Variants in TRERF1 observed in about 807,000 individuals in gnomAD.
TRERF1 encodes transcriptional regulating factor 1.
TRERF1 carries 27 observed loss-of-function variants against 122.9 expected under a neutral mutation model. The ratio of observed to expected loss-of-function variants is 0.22; its 90% CI spans 0.16 to 0.30. TRERF1 has a LOEUF of 0.30. Ranked by LOEUF, TRERF1 falls within the 10% of genes least tolerant of loss-of-function variation. The pLI is 1.00. For missense variants in TRERF1, 1,248 were observed against 1,560.3 expected (o/e 0.80, Z 3.37); for synonymous variants, 636 against 641.7 (o/e 0.99, Z 0.13).
chr6:42,367,155 T>C (rs986410842), intron 2 of TRERF1, among the ~76,000 whole-genome samples: 2 of 152,102 alleles, frequency 1.3e-5, no homozygotes. Flanking sequence ...TATAGAAGTA[T>C]AATATCTAGC....
At chr6:42,241,172 C>T (rs1011783814) in intron 15 of TRERF1, among the ~76,000 whole-genome samples, 1 of 152,160 alleles carries the variant, frequency 6.6e-6, no homozygotes, top group African/African-American at 2.4e-5. Flanking sequence ...GTGTGAGCCA[C>T]AGTGCCTGGG....
At chr6:42,298,287 C>A (rs570484408) in intron 4 of TRERF1, among the ~76,000 whole-genome samples, 145 of 151,886 alleles carry the variant, frequency 9.5e-4, no homozygotes, top group African/African-American at 3.5e-3. Context: ...TCCAGAGTAG[C>A]TGGGATTATA....
At chr6:42,415,370 T>C (rs1375112350) in intron 2 of TRERF1, among the ~76,000 whole-genome samples, 1 of 152,214 alleles carries the variant, frequency 6.6e-6, no homozygotes, top group Non-Finnish European at 1.5e-5. Context: ...GTTACTCTTA[T>C]GAAGTGGATC....
At chr6:42,352,647 A>C (rs1466633516) in intron 3 of TRERF1, among the ~76,000 whole-genome samples, 1 of 152,220 alleles carries the variant, frequency 6.6e-6, no homozygotes, top group Non-Finnish European at 1.5e-5. Context: ...TGGACAAATG[A>C]TTGTACAAAA....
intron 3 of TRERF1, among the ~76,000 whole-genome samples, chr6:42,331,665 T>TCAGA (rs1765260193): frequency 6.6e-6 from 1 of 152,002 alleles, no homozygotes; most frequent in Non-Finnish European, 1.5e-5. Flanking sequence ...TGGGGCAGAA[T>TCAGA]CAGACACTAA....
At chr6:42,227,815 C>G (rs751040897) in exon 18 of TRERF1, 1 of 152,296 alleles carries the variant, frequency 6.6e-6, no homozygotes, top group African/African-American at 2.4e-5. Context: ...CCGTGTAACA[C>G]GAGGGCTTGC....
chr6:42,285,064 C>T (rs1190589810), intron 4 of TRERF1, among the ~76,000 whole-genome samples: 1 of 152,118 alleles, frequency 6.6e-6, no homozygotes, highest in Non-Finnish European at 1.5e-5. Flanking sequence ...CTGTAAATTA[C>T]CTTGAGCAGT....
At chr6:42,426,903 A>T (rs1402254417) in intron 2 of TRERF1, among the ~76,000 whole-genome samples, 2 of 152,206 alleles carry the variant, frequency 1.3e-5, no homozygotes, top group African/African-American at 4.8e-5. Flanking sequence ...GAATTAATAA[A>T]TTCACTTACG....
At chr6:42,306,280 G>A (rs984520996) in intron 3 of TRERF1, among the ~76,000 whole-genome samples, 4 of 152,100 alleles carry the variant, frequency 2.6e-5, no homozygotes, top group Admixed American at 2.0e-4. Context: ...GGGATTACAG[G>A]TGTGAGCCAC....
intron 3 of TRERF1, among the ~76,000 whole-genome samples, chr6:42,342,792 G>C (rs185669376): frequency 2.0e-4 from 31 of 152,228 alleles, no homozygotes; most frequent in Admixed American, 1.7e-3. Context: ...TGTCTCTCTC[G>C]TCAGTCTCTT....
exon 10 of TRERF1, chr6:42,258,182 G>C: frequency 6.2e-7 from 1 of 1,614,170 alleles, no homozygotes; most frequent in Non-Finnish European, 8.5e-7. Context: ...TGACCGTCAC[G>C]TTGCTGCCAT....
intron 4 of TRERF1, among the ~76,000 whole-genome samples, chr6:42,287,453 G>A (rs1456028395): frequency 6.6e-6 from 1 of 152,068 alleles, no homozygotes; most frequent in Admixed American, 6.5e-5. Flanking sequence ...AGGAGGAAGA[G>A]GCCCAAGTCC....
intron 4 of TRERF1, among the ~76,000 whole-genome samples, chr6:42,293,929 C>T (rs958103791): frequency 3.3e-5 from 5 of 152,172 alleles, no homozygotes; most frequent in African/African-American, 1.2e-4. Flanking sequence ...TTGGACGAAT[C>T]CCCTGAGACC....
chr6:42,240,591 G>A (rs1315795833), intron 15 of TRERF1, among the ~76,000 whole-genome samples: 1 of 152,214 alleles, frequency 6.6e-6, no homozygotes, highest in Admixed American at 6.5e-5. Context: ...CTCTCTCTGG[G>A]TCTCAACTTT....
At chr6:42,388,269 C>G (rs1039277046) in intron 2 of TRERF1, among the ~76,000 whole-genome samples, 1 of 148,736 alleles carries the variant, frequency 6.7e-6, no homozygotes, top group Non-Finnish European at 1.5e-5. Flanking sequence ...AGTACTGGAA[C>G]AGGATGGGAA....
At chr6:42,434,360 T>C (rs1473526881) in intron 2 of TRERF1, among the ~76,000 whole-genome samples, 1 of 150,882 alleles carries the variant, frequency 6.6e-6, no homozygotes, top group Non-Finnish European at 1.5e-5. Flanking sequence ...ACCACACCTA[T>C]GTACATCATA....
intron 4 of TRERF1, among the ~76,000 whole-genome samples, chr6:42,282,735 T>C (rs1229945687): frequency 6.6e-6 from 1 of 152,240 alleles, no homozygotes; most frequent in Non-Finnish European, 1.5e-5. Flanking sequence ...CATATGTAGG[T>C]ATATAGATAG....
chr6:42,372,087 C>A (rs1448222223), intron 2 of TRERF1, among the ~76,000 whole-genome samples: 1 of 152,130 alleles, frequency 6.6e-6, no homozygotes, highest in East Asian at 1.9e-4. Flanking sequence ...GAGGCTGAGG[C>A]ATGAGAATCA....
chr6:42,267,671 G>A (rs1779453956), intron 5 of TRERF1, among the ~76,000 whole-genome samples: 1 of 152,128 alleles, frequency 6.6e-6, no homozygotes, highest in Non-Finnish European at 1.5e-5. Context: ...AAACCCTGGT[G>A]TATTTATCCT....
Sources: allele counts gnomAD v4.1 joint callset (sites outside exome capture counted in the v4.1 genomes callset), GRCh38; gene constraint gnomAD v4.1.1; transcripts MANE v1.5; gene names NCBI Gene and HGNC (gene_info 2026-07-23, HGNC 2026-07-21).